The following NFIB variants were observed in gnomAD, a reference collection of about 807,000 sequenced individuals.
NFIB encodes nuclear factor 1 B-type.
NFIB carries 11 observed loss-of-function variants against 61.5 expected under a neutral mutation model. The ratio of observed to expected loss-of-function variants is 0.18; its 90% confidence interval spans 0.11 to 0.30. The LOEUF (loss-of-function observed/expected upper bound fraction) is 0.30, where lower values mean the gene tolerates loss of function less well. Among genes scored for constraint, NFIB ranks in the 10% least tolerant of loss-of-function variants. The probability of loss-of-function intolerance (pLI) is 1.00; values close to 1 mark genes in which losing one functional copy is unlikely to be tolerated. For synonymous variants in NFIB, 260 were observed against 216.5 expected (o/e 1.20, Z -1.76); for missense variants, 471 against 608.9 (o/e 0.77, Z 2.38).
chr9:14,392,934 A>C (rs920201391), intron 1 of NFIB, among the ~76,000 whole-genome samples: 25 of 152,230 alleles, frequency 1.6e-4, no homozygotes, highest in African/African-American at 5.5e-4. Flanking sequence ...ACTTGAAGAA[A>C]GATCCGATAA....
intron 2 of NFIB, among the ~76,000 whole-genome samples, chr9:14,181,710 T>C (rs1587381430): frequency 6.6e-6 from 1 of 152,320 alleles, no homozygotes; most frequent in East Asian, 1.9e-4. Context: ...TTCTAACATT[T>C]TTTAGGAATT....
intron 1 of NFIB, among the ~76,000 whole-genome samples, chr9:14,387,076 T>G (rs1332262175): frequency 1.3e-5 from 2 of 152,230 alleles, no homozygotes; most frequent in African/African-American, 4.8e-5. Context: ...GGTGTGAGAT[T>G]CTGACAGCTT....
At chr9:14,505,963 A>G in the NFIB span, among the ~76,000 whole-genome samples, 1 of 152,210 alleles carries the variant, frequency 6.6e-6, no homozygotes, top group African/African-American at 2.4e-5. Flanking sequence ...TGATCTTTCT[A>G]TTATCTCTAC....
intron 1 of NFIB, among the ~76,000 whole-genome samples, chr9:14,354,422 T>C (rs982904453): frequency 1.3e-5 from 2 of 152,208 alleles, no homozygotes; most frequent in African/African-American, 2.4e-5. Flanking sequence ...GTGGTAGGTG[T>C]GAATATATGC....
intron 2 of NFIB, among the ~76,000 whole-genome samples, chr9:14,275,306 ACTT>A (rs2057920195): frequency 6.6e-6 from 1 of 152,150 alleles, no homozygotes; most frequent in African/African-American, 2.4e-5. Context: ...ACTAAAGTCA[ACTT>A]CTTCTTTATC....
At chr9:14,451,443 T>G in the NFIB span, among the ~76,000 whole-genome samples, 3 of 152,226 alleles carry the variant, frequency 2.0e-5, no homozygotes, top group African/African-American at 7.2e-5. Context: ...GATCAACTCT[T>G]GGCCAATTAT....
chr9:14,280,406 C>T (rs1385372080), intron 2 of NFIB, among the ~76,000 whole-genome samples: 5 of 152,178 alleles, frequency 3.3e-5, no homozygotes, highest in Non-Finnish European at 4.4e-5. Flanking sequence ...CCACCCCCTT[C>T]AAGCCTTTAC....
At chr9:14,300,908 G>A (rs2059716002) in intron 2 of NFIB, among the ~76,000 whole-genome samples, 1 of 152,130 alleles carries the variant, frequency 6.6e-6, no homozygotes. Flanking sequence ...GCTATATTGG[G>A]TATCTTGGAT....
chr9:14,371,903 T>C (rs551220409), intron 1 of NFIB, among the ~76,000 whole-genome samples: 4 of 152,192 alleles, frequency 2.6e-5, no homozygotes, highest in African/African-American at 4.8e-5. Flanking sequence ...AACTGACTGA[T>C]TGGAATGGAC....
chr9:14,426,160 A>C, the NFIB span, among the ~76,000 whole-genome samples: 1 of 145,812 alleles, frequency 6.9e-6, no homozygotes, highest in Non-Finnish European at 1.5e-5. Context: ...AAGATTCTTA[A>C]ATTTCTATGG....
rs1289646372 is a variant in NFIB, at chr9:14,313,772, C to G, written c.-261G>C. On this transcript the variant is annotated 5_prime_UTR_variant, in exon 1 of 11. Coordinates refer to ENST00000380953, the MANE Select transcript of NFIB (RefSeq NM_001190737.2). This position sits in a 1 kb window ranked among gnomAD's most constrained non-coding sequence, Gnocchi z 4.5. Reference sequence around the variant, plus strand: ...CCTCTTGCAGTCCGAGCGCGCTGGCCGTGCTTGCCGAGGCCGCCGCCGCCG... The same window carrying G: ...CCTCTTGCAGTCCGAGCGCGCTGGCGGTGCTTGCCGAGGCCGCCGCCGCCG... 2 of 1,341,614 alleles carry G rather than the reference C, an allele frequency of 1.5e-6. No homozygotes were observed. The highest frequency in any genetic ancestry group is 1.5e-5 in the African/African-American group (1 of 67,090). The allele number at this position is 1,341,614 out of a possible 1,614,324, so 83.1% of individuals were successfully genotyped here.
intron 2 of NFIB, among the ~76,000 whole-genome samples, chr9:14,278,516 C>T (rs185821755): frequency 6.6e-6 from 1 of 152,322 alleles, no homozygotes; most frequent in East Asian, 1.9e-4. Flanking sequence ...GACCATGTAT[C>T]CCCTCAGGCT....
the NFIB span, among the ~76,000 whole-genome samples, chr9:14,463,626 G>C: frequency 6.7e-6 from 1 of 148,962 alleles, no homozygotes; most frequent in East Asian, 2.0e-4. Flanking sequence ...GATGCTATTC[G>C]GATCATTTAC....
the NFIB span, among the ~76,000 whole-genome samples, chr9:14,511,306 TG>T: frequency 6.6e-5 from 10 of 152,106 alleles, no homozygotes; most frequent in South Asian, 1.7e-3. Context: ...CCCATATTTT[TG>T]AGGATTTTAC....
the NFIB span, among the ~76,000 whole-genome samples, chr9:14,502,186 C>T: frequency 6.6e-6 from 1 of 152,086 alleles, no homozygotes; most frequent in Non-Finnish European, 1.5e-5. Flanking sequence ...GTAATCAAAC[C>T]CCTTAATATT....
rs115309664 is a variant in NFIB at position 14,303,349 on chromosome 9, G to A, written c.562+3640C>T. On this transcript the variant is annotated intron_variant, in intron 2 of 10. Coordinates refer to ENST00000380953, the MANE Select transcript of NFIB (RefSeq NM_001190737.2). ...CTATAGGACACTTACATCCCAGGAA[G>A]CTGTGCTGTGCAAGGCTTGCCTGGT... 1.2e-3 allele frequency among the ~76,000 whole-genome samples: 176 copies of A among 152,288 alleles called. 1 individual carries two copies. Among genetic ancestry groups the A allele is most frequent in the African/African-American group, 4.0e-3 (168 of 41,560 alleles).
the NFIB span, among the ~76,000 whole-genome samples, chr9:14,447,341 C>T: frequency 2.0e-5 from 3 of 152,022 alleles, no homozygotes; most frequent in East Asian, 3.8e-4. Context: ...CAGTATGCTC[C>T]GTATTCTCAG....
the NFIB span, among the ~76,000 whole-genome samples, chr9:14,464,567 T>C: frequency 0.062 from 9,350 of 151,986 alleles, 303 homozygotes; most frequent in Non-Finnish European, 0.067. Flanking sequence ...AGACCTGAAG[T>C]TGAGGAGGAG....
At chr9:14,102,226 A>G (rs921193929) in intron 10 of NFIB, among the ~76,000 whole-genome samples, 1 of 152,186 alleles carries the variant, frequency 6.6e-6, no homozygotes, top group Non-Finnish European at 1.5e-5. Context: ...ATCAGTAAGC[A>G]TATACTATAG....
Sources: gnomAD v4.1 joint callset for allele counts (sites outside exome capture counted in the v4.1 genomes callset) on GRCh38, gnomAD v4.1.1 for gene constraint, Gnocchi (gnomAD v3.1) non-coding constraint, MANE v1.5 for transcripts, NCBI Gene and HGNC (gene_info 2026-07-23, HGNC 2026-07-21) for gene names.